Variants in DPH6 observed in about 807,000 individuals in gnomAD.
DPH6 encodes the protein diphthamine biosynthesis 6.
Under a neutral mutation model 38.2 loss-of-function variants are expected in DPH6, and 33 were observed. That is an observed-to-expected ratio of 0.86 (90% CI 0.65 to 1.15). DPH6 has a LOEUF of 1.15. DPH6 is among the 50% of genes most tolerant of loss of function. DPH6 has a pLI of 0.00. For missense variants in DPH6, 325 were observed against 320.0 expected (o/e 1.02, Z -0.12); for synonymous variants, 108 against 103.0 (o/e 1.05, Z -0.30).
chr15:35,177,135 C>A, the DPH6 span, among the ~76,000 whole-genome samples: 2 of 152,122 alleles, frequency 1.3e-5, no homozygotes, highest in Admixed American at 6.5e-5. Context: ...CTCCTCATAT[C>A]CCTTGCATTC....
At chr15:35,346,289 T>C (rs370280720) in intron 3 of DPH6, among the ~76,000 whole-genome samples, 33 of 152,212 alleles carry the variant, frequency 2.2e-4, no homozygotes, top group Middle Eastern at 3.4e-3. Flanking sequence ...TGAAGTCATC[T>C]ACTCTTGGAA....
chr15:35,268,190 A>AATAG (rs1346971156), intron 3 of DPH6, among the ~76,000 whole-genome samples: 4 of 149,060 alleles, frequency 2.7e-5, no homozygotes, highest in African/African-American at 4.9e-5. Flanking sequence ...TAAATAAATA[A>AATAG]ATAAATAAAT....
intron 5 of DPH6, among the ~76,000 whole-genome samples, chr15:35,413,919 C>T (rs1313073513): frequency 5.3e-5 from 8 of 151,442 alleles, no homozygotes; most frequent in African/African-American, 1.2e-4. Context: ...TTCTACTTTT[C>T]GGATAATCAT....
intron 3 of DPH6, among the ~76,000 whole-genome samples, chr15:35,341,669 T>C (rs577279251): frequency 6.1e-4 from 93 of 152,306 alleles, no homozygotes; most frequent in African/African-American, 2.2e-3. Context: ...AGTTGCCTCA[T>C]TTTTCTTGTG....
chr15:35,451,417 C>T (rs1326575977), intron 4 of DPH6, among the ~76,000 whole-genome samples: 1 of 152,120 alleles, frequency 6.6e-6, no homozygotes, highest in Non-Finnish European at 1.5e-5. Context: ...CTTTTGAAGT[C>T]AAGTAAAATC....
At chr15:35,478,607 T>G (rs2054291077) in intron 3 of DPH6, among the ~76,000 whole-genome samples, 1 of 151,984 alleles carries the variant, frequency 6.6e-6, no homozygotes, top group South Asian at 2.1e-4. Context: ...CAGTTCTACC[T>G]AGGGCCTCAG....
intron 6 of DPH6, among the ~76,000 whole-genome samples, chr15:35,394,031 T>G (rs1029480868): frequency 2.0e-5 from 3 of 152,168 alleles, no homozygotes; most frequent in Admixed American, 6.5e-5. Flanking sequence ...TTCCTCAGGC[T>G]TCCACATTAC....
At chr15:35,257,064 A>G (rs906767063) in intron 3 of DPH6, among the ~76,000 whole-genome samples, 4 of 152,200 alleles carry the variant, frequency 2.6e-5, no homozygotes, top group Non-Finnish European at 4.4e-5. Context: ...GGGGAAAAGA[A>G]TGGCATCATT....
chr15:35,360,848 C>T (rs975984879), intron 3 of DPH6, among the ~76,000 whole-genome samples: 1 of 151,968 alleles, frequency 6.6e-6, no homozygotes, highest in Admixed American at 6.5e-5. Flanking sequence ...CAGTTAAGGG[C>T]CACTTTAGTG....
intron 3 of DPH6, among the ~76,000 whole-genome samples, chr15:35,531,174 T>A (rs1227465619): frequency 1.3e-5 from 2 of 152,164 alleles, no homozygotes; most frequent in Non-Finnish European, 2.9e-5. Flanking sequence ...CCTCATGAAG[T>A]GAAGTGAAAA....
At chr15:35,418,965 T>C (rs964481053) in intron 5 of DPH6, among the ~76,000 whole-genome samples, 1 of 151,918 alleles carries the variant, frequency 6.6e-6, no homozygotes, top group Non-Finnish European at 1.5e-5. Flanking sequence ...AAAGGTATAA[T>C]CACTCTGAGA....
chr15:35,376,673 T>C (rs11856804), intron 7 of DPH6, among the ~76,000 whole-genome samples: 55,545 of 151,974 alleles, frequency 0.37, 12,126 homozygotes, highest in African/African-American at 0.62. Context: ...CCTGTACAGG[T>C]GTACCATTTA....
chr15:35,245,799 AC>A (rs2051634063), intron 3 of DPH6, among the ~76,000 whole-genome samples: 1 of 152,190 alleles, frequency 6.6e-6, no homozygotes, highest in Non-Finnish European at 1.5e-5. Context: ...AAAATAATTT[AC>A]AGTGTTACCT....
At chr15:35,397,712 C>T (rs2053155725) in intron 6 of DPH6, among the ~76,000 whole-genome samples, 1 of 152,062 alleles carries the variant, frequency 6.6e-6, no homozygotes, top group South Asian at 2.1e-4. Context: ...ATTCTTAGGT[C>T]CCTCTCTAGG....
At chr15:35,457,620 C>T (rs535495386) in intron 3 of DPH6, among the ~76,000 whole-genome samples, 4 of 152,252 alleles carry the variant, frequency 2.6e-5, no homozygotes, top group African/African-American at 9.6e-5. Flanking sequence ...TTACTACTGC[C>T]TGGTAGAAAT....
At chr15:35,306,619 G>C (rs1053281876) in intron 3 of DPH6, among the ~76,000 whole-genome samples, 1 of 152,176 alleles carries the variant, frequency 6.6e-6, no homozygotes, top group East Asian at 1.9e-4. Context: ...TGTTGATTTT[G>C]GCTTTGAATT....
At chr15:35,531,967 G>A (rs2055094440) in intron 3 of DPH6, among the ~76,000 whole-genome samples, 1 of 152,154 alleles carries the variant, frequency 6.6e-6, no homozygotes, top group Non-Finnish European at 1.5e-5. Context: ...GAGACCCACA[G>A]TAGAGTTATA....
At chr15:35,178,438 T>C in the DPH6 span, among the ~76,000 whole-genome samples, 2 of 152,122 alleles carry the variant, frequency 1.3e-5, no homozygotes, top group Non-Finnish European at 2.9e-5. Context: ...AACTCTCCTT[T>C]ACAAAACCAT....
intron 3 of DPH6, among the ~76,000 whole-genome samples, chr15:35,356,799 C>T (rs1410923037): frequency 6.6e-6 from 1 of 152,228 alleles, no homozygotes. Context: ...AACCACTACT[C>T]TCTTCAAATC....
Sources: gnomAD v4.1 joint callset for allele counts (sites outside exome capture counted in the v4.1 genomes callset) on GRCh38, gnomAD v4.1.1 for gene constraint, MANE v1.5 for transcripts, NCBI Gene and HGNC (gene_info 2026-07-23, HGNC 2026-07-21) for gene names.